CLEC4A: variants seen among roughly 807,000 people sequenced by gnomAD.
CLEC4A encodes C-type (calcium dependent, carbohydrate-recognition domain) lectin, superfamily member 6.
CLEC4A carries 27 observed loss-of-function variants against 32.7 expected under a neutral mutation model. The observed-to-expected ratio is 0.83, with a 90% CI of 0.61 to 1.14. The LOEUF is 1.14. CLEC4A is among the 50% of genes most tolerant of loss of function. The probability of loss-of-function intolerance (pLI) is 0.00; values close to 1 mark genes in which losing one functional copy is unlikely to be tolerated. For synonymous variants in CLEC4A, 89 were observed against 93.7 expected (o/e 0.95, Z 0.29); for missense variants, 253 against 274.6 (o/e 0.92, Z 0.55).
chr12:8,114,760 A>AT, the CLEC4A span, among the ~76,000 whole-genome samples: 2 of 151,956 alleles, frequency 1.3e-5, no homozygotes, highest in African/African-American at 4.8e-5. Context: ...TTGTTTCCTC[A>AT]TTTTTTTGTG....
chr12:8,111,219 T>TGCCCACA, the CLEC4A span, among the ~76,000 whole-genome samples: 1 of 136,308 alleles, frequency 7.3e-6, no homozygotes, highest in Non-Finnish European at 1.6e-5. Flanking sequence ...CTGGCTCTGT[T>TGCCCACA]GCCCACACTG....
At chr12:8,113,174 T>A in the CLEC4A span, among the ~76,000 whole-genome samples, 1 of 141,264 alleles carries the variant, frequency 7.1e-6, no homozygotes, top group Non-Finnish European at 1.5e-5. Flanking sequence ...TGTCCATGTG[T>A]TATCATTGTT....
In CLEC4A at chr12:8,135,736, G is replaced by A; in HGVS notation, c.450G>A (p.Gln150=). 6.2e-7 allele frequency: 1 copy of A among 1,613,774 alleles called. No homozygotes were observed. The highest frequency in any genetic ancestry group is 8.5e-7 in the Non-Finnish European group (1 of 1,179,802). The change falls in exon 4 of 6, where the codon CAG becomes CAA. Residue 150 remains glutamine, a splice_region_variant and synonymous_variant. Coordinates refer to ENST00000229332, the MANE Select transcript of CLEC4A (RefSeq NM_016184.4). The part of the protein sequence containing the change: ...HLLVINTQEE[Q]DFIFQNLQEE... ...TGGTGATAAACACTCAAGAAGAGCA[G>A]GTACTTTCTAATAGATAATGGGGCT...
At chr12:8,129,941 T>C (rs1440495498) in intron 3 of CLEC4A, among the ~76,000 whole-genome samples, 1 of 152,192 alleles carries the variant, frequency 6.6e-6, no homozygotes, top group African/African-American at 2.4e-5. Context: ...GCTCAAGTGA[T>C]CCTCCCATTT....
chr12:8,105,998 T>A, the CLEC4A span, among the ~76,000 whole-genome samples: 6 of 152,224 alleles, frequency 3.9e-5, no homozygotes, highest in African/African-American at 1.4e-4. Flanking sequence ...CTAGGTTATC[T>A]TTCAGGGTTT....
intron 4 of CLEC4A, 112 bp from the exon 5 acceptor site, chr12:8,136,676 T>C (rs1591613226): frequency 1.6e-6 from 1 of 629,234 alleles, no homozygotes; most frequent in Non-Finnish European, 2.9e-6. Context: ...CGTAGAGCTC[T>C]AATGCAGCTG....
At chr12:8,112,191 C>T in the CLEC4A span, among the ~76,000 whole-genome samples, 1 of 152,074 alleles carries the variant, frequency 6.6e-6, no homozygotes, top group African/African-American at 2.4e-5. Context: ...TGGTCTCAAA[C>T]TCTTGACCTC....
At chr12:8,116,034 T>C in the CLEC4A span, among the ~76,000 whole-genome samples, 2 of 151,112 alleles carry the variant, frequency 1.3e-5, no homozygotes, top group African/African-American at 4.9e-5. Context: ...GATCTCGGCT[T>C]ACCACAACCT....
chr12:8,135,042 A>ATTTTTTTTTTTT (rs1948086797), intron 3 of CLEC4A, among the ~76,000 whole-genome samples: 1 of 7,432 alleles, frequency 1.3e-4, no homozygotes, highest in Non-Finnish European at 2.9e-4. Flanking sequence ...TAACAATTTT[A>ATTTTTTTTTTTT]TTATCTTTTT....
At chr12:8,133,538 CTTTA>C (rs1948037848) in intron 3 of CLEC4A, among the ~76,000 whole-genome samples, 2 of 140,198 alleles carry the variant, frequency 1.4e-5, no homozygotes, top group African/African-American at 2.7e-5. Flanking sequence ...GTTGAGGCTT[CTTTA>C]TTTAAGAAAA....
chr12:8,104,009 C>T, the CLEC4A span, among the ~76,000 whole-genome samples: 1 of 152,158 alleles, frequency 6.6e-6, no homozygotes, highest in Admixed American at 6.5e-5. Context: ...AGTACATGCT[C>T]ATGAAGTACT....
rs1948165709 is a variant in CLEC4A at position 8,138,477 on chromosome 12, A to G, written c.*190A>G. ...TTCATAAAGTGAGCATTTATTGAGC[A>G]TTTTTTCATGTGCCAGAGCCTGTAC... On this transcript the variant is annotated 3_prime_UTR_variant, in exon 6 of 6. Transcript: ENST00000229332. The G allele has an allele frequency of 3.2e-6, 2 of 630,994 alleles. No individual in the cohort carries two copies. Among genetic ancestry groups the G allele is most frequent in the African/African-American group, 1.9e-5 (1 of 52,824 alleles). The allele number at this position is 630,994 out of a possible 1,614,324, so 39.1% of individuals were successfully genotyped here.
intron 3 of CLEC4A, among the ~76,000 whole-genome samples, chr12:8,133,055 C>T (rs1449628846): frequency 6.6e-6 from 1 of 152,180 alleles, no homozygotes; most frequent in Non-Finnish European, 1.5e-5. Flanking sequence ...GCTGGGATTA[C>T]AGGTGTGCGC....
rs2120562390 is a variant in CLEC4A, at chr12:8,123,777, G to A, written c.-102G>A. On this transcript the variant is annotated 5_prime_UTR_variant, in exon 1 of 6. Transcript: ENST00000229332. ...TCTGCTCTCCACTAGTTGAGTGAAA[G>A]GAAGGAGGTAATTTACCACCATGTT... 2.6e-6 allele frequency: 2 copies of A among 757,140 alleles called. No homozygotes were observed. Among genetic ancestry groups the A allele is most frequent in the Admixed American group, 4.1e-5 (2 of 49,102 alleles). 46.9% of individuals were successfully genotyped at this position (757,140 alleles called of 1,614,324 possible).
the CLEC4A span, among the ~76,000 whole-genome samples, chr12:8,116,251 C>A: frequency 6.6e-6 from 1 of 152,026 alleles, no homozygotes; most frequent in African/African-American, 2.4e-5. Context: ...TGTGAGCCAC[C>A]GCACCCGGTC....
chr12:8,112,210 C>T, the CLEC4A span, among the ~76,000 whole-genome samples: 11 of 152,070 alleles, frequency 7.2e-5, no homozygotes, highest in East Asian at 1.9e-4. Flanking sequence ...TCAGGTGATC[C>T]GCCCAGCTTG....
Position 8,135,746 on chromosome 12 carries a change from A to G in CLEC4A, c.450+10A>G, listed in dbSNP as rs1948105254. On this transcript the variant is annotated intron_variant, in intron 4 of 5. Transcript: ENST00000229332. Reference sequence around the variant, plus strand: ...CACTCAAGAAGAGCAGGTACTTTCTAATAGATAATGGGGCTGTGAGCCCTG... The same window carrying G: ...CACTCAAGAAGAGCAGGTACTTTCTGATAGATAATGGGGCTGTGAGCCCTG... 3 of 1,613,416 alleles carry G rather than the reference A, an allele frequency of 1.9e-6. No individual in the cohort carries two copies. The highest frequency in any genetic ancestry group is 1.7e-4 in the Middle Eastern group (1 of 6,058).
At chr12:8,125,096 T>G (rs967936878) in intron 1 of CLEC4A, among the ~76,000 whole-genome samples, 1 of 152,082 alleles carries the variant, frequency 6.6e-6, no homozygotes, top group African/African-American at 2.4e-5. Context: ...TATTTAAAGT[T>G]GGAAACCATT....
intron 2 of CLEC4A, among the ~76,000 whole-genome samples, chr12:8,129,043 T>G (rs1254389410): frequency 6.6e-6 from 1 of 152,084 alleles, no homozygotes; most frequent in Non-Finnish European, 1.5e-5. Context: ...GTGGAGTCCC[T>G]TTAGATCCAT....
Sources: gnomAD v4.1 joint callset for allele counts (sites outside exome capture counted in the v4.1 genomes callset) on GRCh38, gnomAD v4.1.1 for gene constraint, MANE v1.5 for transcripts, NCBI Gene and HGNC (gene_info 2026-07-23, HGNC 2026-07-21) for gene names.